KDM5B: variants seen among roughly 807,000 people sequenced by gnomAD.
KDM5B encodes the protein lysine demethylase 5B.
KDM5B carries 144 observed loss-of-function variants against 193.4 expected under a neutral mutation model. That is an observed-to-expected ratio of 0.74 (90% CI 0.65 to 0.86). The LOEUF (loss-of-function observed/expected upper bound fraction) is 0.86, where lower values mean the gene tolerates loss of function less well. KDM5B is among the 40% of genes least tolerant of loss of function. The pLI is 0.00. For missense variants in KDM5B, 1,833 were observed against 1,886.9 expected (o/e 0.97, Z 0.53); for synonymous variants, 668 against 682.6 (o/e 0.98, Z 0.33).
At chr1:202,778,697 G>A (rs1459487829) in intron 1 of KDM5B, among the ~76,000 whole-genome samples, 2 of 152,014 alleles carry the variant, frequency 1.3e-5, no homozygotes, top group African/African-American at 2.4e-5. Flanking sequence ...ACCTCAGCTC[G>A]CTGCAGCCTC....
intron 1 of KDM5B, among the ~76,000 whole-genome samples, chr1:202,781,327 T>C (rs1657189312): frequency 6.6e-6 from 1 of 152,224 alleles, no homozygotes; most frequent in Non-Finnish European, 1.5e-5. Context: ...TGAAATTTTG[T>C]TTTGTTTTAG....
At position 202,758,130 on chromosome 1, in the gene KDM5B, T is replaced by C. The variant is rs567285517; in HGVS notation, c.1197+261A>G. 1.2e-4 allele frequency among the ~76,000 whole-genome samples: 19 copies of C among 152,338 alleles called. No homozygotes were observed. In the South Asian group the frequency reaches 3.9e-3, roughly 32 times the overall value. On this transcript the variant is annotated intron_variant, in intron 9 of 26. Coordinates refer to ENST00000367265, the MANE Select transcript of KDM5B (RefSeq NM_006618.5). ...GTTGGGCCAAAATGATTGCTGATGA[T>C]TTTCTTTATTAGTGTTCTATTACTG...
chr1:202,761,476 C>A (rs7529105), intron 7 of KDM5B, among the ~76,000 whole-genome samples: 102,312 of 152,038 alleles, frequency 0.67, 37,052 homozygotes, highest in Admixed American at 0.82. Flanking sequence ...GGACATGGTT[C>A]AGAAGTTCCC....
rs1225128000 is a variant in KDM5B, at chr1:202,740,658, A to G, written c.3084+16T>C. On this transcript the variant is annotated intron_variant, in intron 20 of 26. Transcript: ENST00000367265. Reference sequence around the variant, plus strand: ...GGATGCACTTACACATTCTGTATATACTTTTTAAAACCAACCTGCAGGCCC... The same window carrying G: ...GGATGCACTTACACATTCTGTATATGCTTTTTAAAACCAACCTGCAGGCCC... 6.2e-7 allele frequency: 1 copy of G among 1,608,766 alleles called. No individual in the cohort carries two copies. Among genetic ancestry groups the G allele is most frequent in the Admixed American group, 1.7e-5 (1 of 59,718 alleles).
In KDM5B at chr1:202,729,710, ATC is replaced by A; in HGVS notation, c.4492_4493del (p.Asp1498Ter). 6.2e-7 allele frequency: 1 copy of A among 1,612,482 alleles called. No homozygotes were observed. The highest frequency in any genetic ancestry group is 8.5e-7 in the Non-Finnish European group (1 of 1,178,958). On this transcript the variant is annotated frameshift_variant, in exon 26 of 27. Coordinates refer to ENST00000367265, the MANE Select transcript of KDM5B (RefSeq NM_006618.5). LOFTEE classifies it high-confidence loss of function. ...CTATGGCCCAAACCTCACTGACCTC[ATC>A]TCCTTCTGGCTGCAGGCAGCTCACA... is the stretch of plus-strand genomic sequence containing the variant. The part of the protein sequence containing the change: ...PAVSCLQPEG[D>X]EVDWVQCDGS...
chr1:202,752,891 A>G lies in KDM5B; in HGVS notation c.1701+14T>C. The G allele has an allele frequency of 6.2e-7, 1 of 1,601,894 alleles. No individual in the cohort carries two copies. Reference sequence around the variant, plus strand: ...ATTAAGCTTGAGTGGCAGGAGGATTAACCCAGAACATACAGGCACTTCATG... The same window carrying G: ...ATTAAGCTTGAGTGGCAGGAGGATTGACCCAGAACATACAGGCACTTCATG... On this transcript the variant is annotated intron_variant, in intron 12 of 26. Transcript: ENST00000367265.
In KDM5B at chr1:202,726,249, C is replaced by T. The variant is rs979453730; in HGVS notation, c.*2787G>A. The stretch of plus-strand genomic sequence containing the variant: ...GCAGGGAAATTCAGGTTTTTAACAA[C>T]CTCCATCACCACAAGTGGCATCTCT... On this transcript the variant is annotated 3_prime_UTR_variant, in exon 27 of 27. Transcript: ENST00000367265. The T allele has an allele frequency of 1.3e-5, 2 of 152,146 alleles. No homozygotes were observed. The highest frequency in any genetic ancestry group is 2.9e-5 in the Non-Finnish European group (2 of 68,028). 9.4% of individuals were successfully genotyped at this position (152,146 alleles called of 1,614,324 possible). A position where few individuals can be genotyped will look rare whatever the true frequency, so the allele number is the denominator to read the frequency against.
chr1:202,788,152 C>T (rs959910324), intron 1 of KDM5B, among the ~76,000 whole-genome samples: 3 of 152,100 alleles, frequency 2.0e-5, no homozygotes, highest in Admixed American at 1.3e-4. Flanking sequence ...ATTTATTGAC[C>T]GCCTATTTTT....
intron 4 of KDM5B, among the ~76,000 whole-genome samples, chr1:202,772,380 C>T (rs1322516374): frequency 6.6e-6 from 1 of 152,174 alleles, no homozygotes; most frequent in Admixed American, 6.5e-5. Flanking sequence ...AACCCGTTAG[C>T]TATGTAGCAT....
chr1:202,780,399 A>G (rs1300477522), intron 1 of KDM5B, among the ~76,000 whole-genome samples: 2 of 152,166 alleles, frequency 1.3e-5, no homozygotes, highest in Non-Finnish European at 1.5e-5. Flanking sequence ...CATGTTGGCC[A>G]GGCTGGTCTC....
chr1:202,752,239 C>T (rs1026327021), intron 12 of KDM5B, among the ~76,000 whole-genome samples: 1 of 152,204 alleles, frequency 6.6e-6, no homozygotes, highest in African/African-American at 2.4e-5. Context: ...GACCACATAT[C>T]AATGGTGATC....
intron 2 of KDM5B, among the ~76,000 whole-genome samples, chr1:202,775,527 ACT>A (rs71142554): frequency 0.6 from 91,036 of 150,512 alleles, 30,687 homozygotes; most frequent in Middle Eastern, 0.77. Flanking sequence ...ACAGTGCAAG[ACT>A]CTGTCTCAAT....
chr1:202,767,402 G>T, intron 4 of KDM5B: 1 of 1,440,446 alleles, frequency 6.9e-7, no homozygotes. Flanking sequence ...GTGAACCTCC[G>T]GATGCTCTAG....
chr1:202,748,027 A>G lies in KDM5B; in HGVS notation c.2016+918T>C, dbSNP rs898684426. On this transcript the variant is annotated intron_variant, in intron 14 of 26. Transcript: ENST00000367265. ...TCAAGACTTCTTAGAAAGCTACAAT[A>G]ATCAAGACCATTTAGTATTAGCAAT... Among the ~76,000 whole-genome samples, 14 of 152,292 alleles carry G rather than the reference A, an allele frequency of 9.2e-5. No homozygotes were observed. The South Asian group carries it at 1.0e-3, about 11-fold the overall frequency.
Position 202,750,745 on chromosome 1 carries a change from C to T in KDM5B, c.1735G>A (p.Val579Met), listed in dbSNP as rs775923060. 1 of 1,614,064 alleles carries T rather than the reference C, an allele frequency of 6.2e-7. No homozygotes were observed. Among genetic ancestry groups the T allele is most frequent in the South Asian group, 1.1e-5 (1 of 91,078 alleles). The change falls in exon 13 of 27, where the codon GTG (valine) becomes ATG (methionine). Residue 579 changes from valine (V) to methionine (M), a missense_variant. Coordinates refer to ENST00000367265, the MANE Select transcript of KDM5B (RefSeq NM_006618.5). ...YRTNQCAGEFVITFPRAYHSG... is the reference protein window; with the variant it reads ...YRTNQCAGEFMITFPRAYHSG... ...TGGTAGGCTCTTGGAAATGTAATCA[C>T]AAACTCCCCAGCACACTGATTAGTT... is the stretch of plus-strand genomic sequence containing the variant.
chr1:202,784,469 G>A (rs1657326058), intron 1 of KDM5B, among the ~76,000 whole-genome samples: 1 of 152,132 alleles, frequency 6.6e-6, no homozygotes, highest in East Asian at 1.9e-4. Context: ...TTCAGGTGAG[G>A]ATGACAAAAT....
intron 20 of KDM5B, among the ~76,000 whole-genome samples, chr1:202,739,626 C>T (rs968695461): frequency 6.6e-6 from 1 of 152,094 alleles, no homozygotes; most frequent in African/African-American, 2.4e-5. Context: ...CTGCGGCCTT[C>T]GGCAGTGTTT....
intron 1 of KDM5B, chr1:202,796,849 T>C (rs1487178189): frequency 6.5e-6 from 1 of 152,862 alleles, no homozygotes; most frequent in Non-Finnish European, 1.5e-5. Context: ...CCCTAACCTT[T>C]GTCGTGATGA....
chr1:202,770,274 CAA>C (rs752875535), intron 4 of KDM5B, among the ~76,000 whole-genome samples: 3 of 152,098 alleles, frequency 2.0e-5, no homozygotes, highest in Non-Finnish European at 4.4e-5. Flanking sequence ...CACATCATCC[CAA>C]AGACAGAGCA....
Sources: allele counts gnomAD v4.1 joint callset (sites outside exome capture counted in the v4.1 genomes callset), GRCh38; gene constraint gnomAD v4.1.1; transcripts MANE v1.5; gene names NCBI Gene and HGNC (gene_info 2026-07-23, HGNC 2026-07-21).